The following IQSEC3 variants were observed in gnomAD, a reference collection of about 807,000 sequenced individuals.
IQSEC3 encodes IQ motif and SEC7 domain-containing protein 3.
In IQSEC3, 50 loss-of-function variants were observed where a neutral mutation model predicts 105.4. The ratio of observed to expected loss-of-function variants is 0.47; its 90% CI spans 0.38 to 0.60. IQSEC3 has a LOEUF of 0.60. IQSEC3 is among the 20% of genes least tolerant of loss of function. The pLI is 0.00. For synonymous variants in IQSEC3, 708 were observed against 746.0 expected (o/e 0.95, Z 0.83); for missense variants, 1,415 against 1,630.0 (o/e 0.87, Z 2.27).
Position 139,195 on chromosome 12 carries a change from CG to C in IQSEC3, c.1834del (p.Glu612ArgfsTer14). 1 of 1,589,358 alleles carries C rather than the reference CG, an allele frequency of 6.3e-7. No homozygotes were observed. Among genetic ancestry groups the C allele is most frequent in the Non-Finnish European group, 8.5e-7 (1 of 1,170,750 alleles). ...TCCACCAAGTCCGCCAAGTCAGGCT[CG>C]GAGGCGTCGGCCTCCGCCTCCAAGG... ...STSTKSAKSG[S>X]EASASASKDA... is the part of the protein sequence containing the mutation. On this transcript the variant is annotated frameshift_variant, in exon 4 of 14. Transcript: ENST00000538872. LOFTEE classifies it high-confidence loss of function.
rs1227667649 is a variant in IQSEC3, at chr12:130,691, G to A, written c.903+4779G>A. On this transcript the variant is annotated intron_variant, in intron 3 of 13. Transcript: ENST00000538872. Reference sequence around the variant, plus strand: ...TCCCAGGCAGGCCTCAACGCCCTGCGTGTCAAGCACTTGCTGTATTCCAGA... The same window carrying A: ...TCCCAGGCAGGCCTCAACGCCCTGCATGTCAAGCACTTGCTGTATTCCAGA... 5.9e-5 allele frequency among the ~76,000 whole-genome samples: 9 copies of A among 152,200 alleles called. No individual in the cohort carries two copies. The East Asian group carries it at 9.6e-4, about 16-fold the overall frequency.
chr12:166,049 G>C, intron 11 of IQSEC3, 159 bp downstream of exon 11: 2 of 712,950 alleles, frequency 2.8e-6, no homozygotes, highest in South Asian at 1.9e-5. Flanking sequence ...GCCCGGGTGG[G>C]AGCACCGGTT....
intron 2 of IQSEC3, among the ~76,000 whole-genome samples, chr12:104,109 A>G (rs868916803): frequency 1.3e-5 from 2 of 152,104 alleles, no homozygotes; most frequent in African/African-American, 4.8e-5. Context: ...TGAACGTGCC[A>G]GGGACAACGT....
At chr12:105,717 T>G (rs1864625682) in intron 2 of IQSEC3, among the ~76,000 whole-genome samples, 1 of 151,834 alleles carries the variant, frequency 6.6e-6, no homozygotes, top group Non-Finnish European at 1.5e-5. Context: ...TCCCAGAGAG[T>G]ATTAGGAAGG....
rs539086652 is a variant in IQSEC3, at chr12:66,777, G to C, written c.-106G>C. On this transcript the variant is annotated 5_prime_UTR_variant, in exon 1 of 14. Coordinates refer to ENST00000538872, the MANE Select transcript of IQSEC3 (RefSeq NM_001170738.2). ...CCGGCGGGGGGAGGGAGGCTGGGCC[G>C]GTGGGAGAGGGAGGCGAGCCGACCG... 1.6e-5 allele frequency: 16 copies of C among 1,014,846 alleles called. No individual in the cohort carries two copies. The highest frequency in any genetic ancestry group is 1.8e-5 in the Non-Finnish European group (14 of 782,078). 62.9% of individuals were successfully genotyped at this position (1,014,846 alleles called of 1,614,324 possible). A position where few individuals can be genotyped will look rare whatever the true frequency, so the allele number is the denominator to read the frequency against.
In IQSEC3 at chr12:171,132, A is replaced by G. The variant is rs2137070284; in HGVS notation, c.3085A>G (p.Arg1029Gly). 1.9e-6 allele frequency: 3 copies of G among 1,614,092 alleles called. No individual in the cohort carries two copies. In the East Asian group the frequency reaches 6.7e-5, roughly 36 times the overall value. ...CAAAGCCAAAAGGGAAGCCGCGCTC[A>G]GGGAGAGGCCGGCGGAGAGCACGGT... ...SPTAKREAAL[R>G]ERPAESTVEV... is the part of the protein sequence containing the mutation. Residue 1029 changes from arginine (R) to glycine (G), a missense_variant, in exon 13 of 14, where the codon AGG becomes GGG. Transcript: ENST00000538872.
intron 8 of IQSEC3, among the ~76,000 whole-genome samples, chr12:163,030 C>T (rs1482052477): frequency 2.6e-5 from 4 of 152,034 alleles, no homozygotes; most frequent in Non-Finnish European, 4.4e-5. Flanking sequence ...CCCCAAGAAG[C>T]ATGACAGGGA....
chr12:111,270 C>G (rs1555079484), intron 2 of IQSEC3, among the ~76,000 whole-genome samples: 1 of 152,210 alleles, frequency 6.6e-6, no homozygotes, highest in African/African-American at 2.4e-5. Context: ...CTCATCTGAG[C>G]CAAACTCAGG....
At chr12:129,630 G>A (rs1291809068) in intron 3 of IQSEC3, among the ~76,000 whole-genome samples, 2 of 152,102 alleles carry the variant, frequency 1.3e-5, no homozygotes, top group Non-Finnish European at 2.9e-5. Context: ...GTGTCATTTT[G>A]AAATTCCTCC....
chr12:172,528 CAGCT>C (rs1388963015), intron 13 of IQSEC3, among the ~76,000 whole-genome samples: 1 of 152,222 alleles, frequency 6.6e-6, no homozygotes, highest in Non-Finnish European at 1.5e-5. Context: ...CTGCCACCCT[CAGCT>C]AGCTCAGGGC....
At position 162,108 on chromosome 12, in the gene IQSEC3, CT is replaced by C. The variant is rs1486519894; in HGVS notation, c.2583+46del. ...ACCTATCTCCCGTCTCCTTTCCTTT[CT>C]TTCTTCCTGGCATCTCTTCCCATTC... On this transcript the variant is annotated intron_variant, in intron 8 of 13. Transcript: ENST00000538872. The C allele has an allele frequency of 3.1e-6, 5 of 1,602,826 alleles. No homozygotes were observed. In the East Asian group the frequency reaches 8.9e-5, roughly 29 times the overall value.
Position 125,813 on chromosome 12 carries a change from C to T in IQSEC3, c.804C>T (p.Ala268=), listed in dbSNP as rs1555083184. The change falls in exon 3 of 14, where the codon GCC becomes GCT. Residue 268 remains alanine (A), a synonymous_variant. Coordinates refer to ENST00000538872, the MANE Select transcript of IQSEC3 (RefSeq NM_001170738.2). ...CAAGGGCTGGCCCCCAGCACAAGGC[C>T]TCCCCCGGCCGGCAGCAGCCTGCCC... The part of the protein sequence containing the change: ...ASPRAGPQHK[A]SPGRQQPALA... 27 of 1,527,494 alleles carry T rather than the reference C, an allele frequency of 1.8e-5. No homozygotes were observed. Among genetic ancestry groups the T allele is most frequent in the Non-Finnish European group, 2.2e-5 (25 of 1,143,678 alleles). 94.6% of individuals were successfully genotyped at this position (1,527,494 alleles called of 1,614,324 possible).
At chr12:70,372 G>A (rs1863266650) in intron 1 of IQSEC3, among the ~76,000 whole-genome samples, 1 of 152,280 alleles carries the variant, frequency 6.6e-6, no homozygotes, top group African/African-American at 2.4e-5. Context: ...AAAGGTGGTG[G>A]TCTTGGAGGT....
chr12:117,036 G>GA (rs1865072205), intron 2 of IQSEC3, among the ~76,000 whole-genome samples: 2 of 152,212 alleles, frequency 1.3e-5, no homozygotes, highest in Admixed American at 6.5e-5. Context: ...CATAATAAAA[G>GA]AAAAAATAAG....
intron 1 of IQSEC3, among the ~76,000 whole-genome samples, chr12:76,590 A>G (rs1863538184): frequency 6.6e-6 from 1 of 152,254 alleles, no homozygotes; most frequent in Non-Finnish European, 1.5e-5. Context: ...GGCTAGCCAG[A>G]TCCTCCTGGT....
chr12:172,957 C>T (rs1939085591), intron 13 of IQSEC3, among the ~76,000 whole-genome samples: 1 of 152,132 alleles, frequency 6.6e-6, no homozygotes, highest in South Asian at 2.1e-4. Flanking sequence ...AGAAGAAGGA[C>T]GGCTCAGTGG....
At chr12:165,319 T>C in intron 9 of IQSEC3, 115 bp from the exon 10 acceptor site, 2 of 768,060 alleles carry the variant, frequency 2.6e-6, no homozygotes, top group South Asian at 3.0e-5. Flanking sequence ...TACCTGTATG[T>C]GCACATTCAT....
At chr12:132,268 C>T (rs1033922210) in intron 3 of IQSEC3, among the ~76,000 whole-genome samples, 1 of 151,994 alleles carries the variant, frequency 6.6e-6, no homozygotes, top group Non-Finnish European at 1.5e-5. Flanking sequence ...CAGGGAGCCT[C>T]GTGGGGGCGG....
Position 138,697 on chromosome 12 carries a change from G to C in IQSEC3, c.1334G>C (p.Gly445Ala), listed in dbSNP as rs376048966. ...QLHQALQAAA[G>A]PPGLEAEGRA... ...CACCAGGCCCTGCAGGCGGCCGCGG[G>C]GCCCCCAGGCCTGGAGGCCGAGGGG... The change falls in exon 4 of 14, where the codon GGG becomes GCG. Residue 445 changes from glycine (G) to alanine (A), a missense_variant. This residue lies in a region of IQSEC3 where 720 missense variants were observed against 633.0 expected (regional missense o/e 1.14). Coordinates refer to ENST00000538872, the MANE Select transcript of IQSEC3 (RefSeq NM_001170738.2). This position sits in a 1 kb window ranked among gnomAD's most constrained non-coding sequence, Gnocchi z 7.1. The C allele has an allele frequency of 2.1e-5, 32 of 1,526,378 alleles. No homozygotes were observed. Among genetic ancestry groups the C allele is most frequent in the African/African-American group, 1.8e-4 (13 of 72,284 alleles). 94.6% of individuals were successfully genotyped at this position (1,526,378 alleles called of 1,614,324 possible).
Sources: allele counts gnomAD v4.1 joint callset (sites outside exome capture counted in the v4.1 genomes callset), GRCh38; gene constraint gnomAD v4.1.1; regional missense constraint gnomAD v4.1.1; non-coding constraint Gnocchi (gnomAD v3.1); transcripts MANE v1.5; gene names NCBI Gene and HGNC (gene_info 2026-07-23, HGNC 2026-07-21).